The following FSTL5 variants were observed in gnomAD, a reference collection of about 807,000 sequenced individuals.
The protein encoded by FSTL5 is follistatin like 5.
Under a neutral mutation model 89.1 loss-of-function variants are expected in FSTL5, and 62 were observed. The ratio of observed to expected loss-of-function variants is 0.70; its 90% confidence interval spans 0.57 to 0.86. The LOEUF (loss-of-function observed/expected upper bound fraction) is 0.86. Ranked by LOEUF, FSTL5 falls within the 40% of genes least tolerant of loss-of-function variation. The probability of loss-of-function intolerance (pLI) is 0.00; values close to 1 mark genes in which losing one functional copy is unlikely to be tolerated. For missense variants in FSTL5, 1,057 were observed against 1,001.6 expected, an observed-to-expected ratio of 1.06 and a Z score of -0.75; for synonymous variants, 383 against 346.2, an observed-to-expected ratio of 1.11 and a Z score of -1.18.
At chr4:161,725,869 C>CATTACTTTTAACGACAAAAGGTTTTTGCT (rs1739381557) in intron 6 of FSTL5, among the ~76,000 whole-genome samples, 2 of 152,270 alleles carry the variant, frequency 1.3e-5, no homozygotes, top group African/African-American at 4.8e-5. Flanking sequence ...CGGTTTTTGC[C>CATTACTTTTAACGACAAAAGGTTTTTGCT]ATTACTTTTA....
chr4:161,646,871 G>A (rs1736172010), intron 7 of FSTL5, among the ~76,000 whole-genome samples: 1 of 152,060 alleles, frequency 6.6e-6, no homozygotes, highest in Non-Finnish European at 1.5e-5. Context: ...TTTTGCAATT[G>A]AGTTGTATGA....
chr4:161,977,297 A>C (rs1735676535), intron 3 of FSTL5, among the ~76,000 whole-genome samples: 1 of 152,122 alleles, frequency 6.6e-6, no homozygotes, highest in Admixed American at 6.6e-5. Context: ...TATGTTACGC[A>C]TATTTTACCA....
intron 3 of FSTL5, among the ~76,000 whole-genome samples, chr4:161,964,406 T>A (rs1735266801): frequency 6.6e-6 from 1 of 152,068 alleles, no homozygotes; most frequent in Admixed American, 6.6e-5. Flanking sequence ...AATTACCATG[T>A]AGAATCTTAA....
chr4:161,464,350 A>T (rs1423126470), intron 13 of FSTL5, among the ~76,000 whole-genome samples: 1 of 152,014 alleles, frequency 6.6e-6, no homozygotes, highest in Non-Finnish European at 1.5e-5. Flanking sequence ...ATAGAATCCC[A>T]ATGCCTGCTT....
At chr4:161,404,051 A>AGT (rs1462767000) in intron 15 of FSTL5, among the ~76,000 whole-genome samples, 1 of 152,184 alleles carries the variant, frequency 6.6e-6, no homozygotes, top group African/African-American at 2.4e-5. Flanking sequence ...CTGATTTCAG[A>AGT]GTTCACAGAG....
chr4:162,141,553 G>A (rs1320451197), intron 1 of FSTL5, among the ~76,000 whole-genome samples: 1 of 152,268 alleles, frequency 6.6e-6, no homozygotes, highest in East Asian at 1.9e-4. Context: ...CTGTAGAACC[G>A]TAAGCCAAAT....
At chr4:161,844,984 G>A (rs773105414) in intron 4 of FSTL5, among the ~76,000 whole-genome samples, 1 of 151,864 alleles carries the variant, frequency 6.6e-6, no homozygotes, top group Non-Finnish European at 1.5e-5. Context: ...ATAACAAAGA[G>A]TAAAAAAAGT....
intron 1 of FSTL5, among the ~76,000 whole-genome samples, chr4:162,133,037 G>A (rs1267787871): frequency 6.6e-6 from 1 of 152,098 alleles, no homozygotes; most frequent in Non-Finnish European, 1.5e-5. Flanking sequence ...CCGCCTCCTG[G>A]GTTCACGCCC....
chr4:161,819,265 A>G (rs1385702056), intron 4 of FSTL5, among the ~76,000 whole-genome samples: 2 of 152,106 alleles, frequency 1.3e-5, no homozygotes, highest in African/African-American at 4.8e-5. Flanking sequence ...ATTTTTCAGT[A>G]TTCATGGAAA....
chr4:161,942,561 T>C (rs1210972381), intron 3 of FSTL5, among the ~76,000 whole-genome samples: 1 of 151,990 alleles, frequency 6.6e-6, no homozygotes, highest in East Asian at 1.9e-4. Flanking sequence ...ATTGCTCCTG[T>C]TACATCTACC....
chr4:161,520,579 G>C (rs1730990337), intron 10 of FSTL5, among the ~76,000 whole-genome samples: 1 of 151,984 alleles, frequency 6.6e-6, no homozygotes, highest in African/African-American at 2.4e-5. Flanking sequence ...AAGACACGTA[G>C]GAGTAAATAT....
chr4:162,033,596 ATTG>A, intron 3 of FSTL5, 26 bp downstream of exon 3: 1 of 1,270,492 alleles, frequency 7.9e-7, no homozygotes. Context: ...AACTTATATA[ATTG>A]TTATCTTAAA....
rs192783554 is a variant in FSTL5 at position 161,877,053 on chromosome 4, G to A, written c.409+43351C>T. ...TAGAACATTAGCCAGACGTGGTGGC[G>A]CATGCCTGTAATCCCAGCTACTCGG... is the stretch of plus-strand genomic sequence containing the variant. On this transcript the variant is annotated intron_variant, in intron 4 of 15. Coordinates refer to ENST00000306100, the MANE Select transcript of FSTL5 (RefSeq NM_020116.5). 3.2e-3 allele frequency among the ~76,000 whole-genome samples: 489 copies of A among 151,500 alleles called. 3 individuals are homozygous for A. The highest frequency in any genetic ancestry group is 0.011 in the African/African-American group (474 of 41,338).
intron 1 of FSTL5, among the ~76,000 whole-genome samples, chr4:162,126,535 T>C (rs1036917178): frequency 2.0e-5 from 3 of 152,154 alleles, no homozygotes; most frequent in African/African-American, 7.2e-5. Context: ...TTGATGAAAT[T>C]TCCAGTAGTA....
intron 10 of FSTL5, among the ~76,000 whole-genome samples, chr4:161,514,103 A>C (rs1730738653): frequency 6.6e-6 from 1 of 152,170 alleles, no homozygotes. Context: ...ACTAAGTATA[A>C]TATAAATTCT....
At chr4:161,953,975 C>T (rs886368473) in intron 3 of FSTL5, among the ~76,000 whole-genome samples, 1 of 151,524 alleles carries the variant, frequency 6.6e-6, no homozygotes. Context: ...GACTACACAA[C>T]ATAATATACT....
At chr4:161,951,485 C>A (rs970156220) in intron 3 of FSTL5, among the ~76,000 whole-genome samples, 3 of 152,040 alleles carry the variant, frequency 2.0e-5, no homozygotes, top group African/African-American at 7.2e-5. Context: ...GTTTTCTTAA[C>A]AATGATATAG....
chr4:161,602,218 AGAGAGAGAGTGAGAGAGT>A (rs1179813977), intron 7 of FSTL5, among the ~76,000 whole-genome samples: 269 of 140,556 alleles, frequency 1.9e-3, no homozygotes, highest in Admixed American at 5.5e-3. Context: ...ATGCACACAC[AGAGAGAGAGTGAGAGAGT>A]GAGAGAGAGG....
chr4:161,562,855 T>C (rs1409870724), intron 8 of FSTL5, among the ~76,000 whole-genome samples: 1 of 152,010 alleles, frequency 6.6e-6, no homozygotes, highest in Non-Finnish European at 1.5e-5. Context: ...GCCTCTATGA[T>C]TTTAGACTCC....
Sources: gnomAD v4.1 joint callset for allele counts (sites outside exome capture counted in the v4.1 genomes callset) on GRCh38, gnomAD v4.1.1 for gene constraint, MANE v1.5 for transcripts, NCBI Gene and HGNC (gene_info 2026-07-23, HGNC 2026-07-21) for gene names.